PRR5: variants seen among roughly 807,000 people sequenced by gnomAD.
The protein encoded by PRR5 is proline rich 5.
In PRR5, 25 loss-of-function variants were observed where a neutral mutation model predicts 30.6. The observed-to-expected ratio is 0.82, with a 90% CI of 0.60 to 1.14. The LOEUF is 1.14. Ranked by LOEUF, PRR5 falls within the 50% of genes most tolerant of loss-of-function variation. The pLI, the probability that PRR5 is intolerant of heterozygous loss-of-function variation, is 0.00. For missense variants in PRR5, 600 were observed against 547.1 expected, an observed-to-expected ratio of 1.10 and a Z score of -0.96; for synonymous variants, 286 against 247.1, an observed-to-expected ratio of 1.16 and a Z score of -1.48.
upstream of PRR5, among the ~76,000 whole-genome samples, chr22:44,700,853 G>C (rs1926203047): frequency 6.6e-6 from 1 of 152,094 alleles, no homozygotes; most frequent in African/African-American, 2.4e-5. Flanking sequence ...CTCTTCATGA[G>C]GCTCTCTTAC....
In PRR5 at chr22:44,731,837, C is replaced by A; in HGVS notation, c.414+16C>A. ...CCCGGTGCAGGTGGGCAGCCCAGCC[C>A]TGGGGAGGGAAGCCCAGTGCCCCTG... On this transcript the variant is annotated intron_variant, in intron 5 of 7. Transcript: ENST00000336985. 1 of 1,610,106 alleles carries A rather than the reference C, an allele frequency of 6.2e-7. No individual in the cohort carries two copies. The highest frequency in any genetic ancestry group is 8.5e-7 in the Non-Finnish European group (1 of 1,179,068).
At chr22:44,733,501 C>T (rs1025572178) in intron 6 of PRR5, among the ~76,000 whole-genome samples, 4 of 152,154 alleles carry the variant, frequency 2.6e-5, no homozygotes, top group African/African-American at 9.7e-5. Flanking sequence ...AAGGAAGGGG[C>T]GGCCAGTGTG....
Position 44,731,737 on chromosome 22 carries a change from G to A in PRR5, c.330G>A (p.Lys110=). The change falls in exon 5 of 8, where the codon AAG becomes AAA. Residue 110 remains lysine (K), a synonymous_variant. Transcript: ENST00000336985. ...TGGCCCCCATGCCCACAGGACAGAAGCTGCTGGACTCACTGGCAGAGACCT... is the reference window on the plus strand; with the variant it reads ...TGGCCCCCATGCCCACAGGACAGAAACTGCTGGACTCACTGGCAGAGACCT... ...RDKIRFYEGQ[K]LLDSLAETWD... The A allele has an allele frequency of 1.9e-6, 3 of 1,613,788 alleles. No individual in the cohort carries two copies. Among genetic ancestry groups the A allele is most frequent in the Non-Finnish European group, 2.5e-6 (3 of 1,180,002 alleles).
chr22:44,688,038 G>A (rs1297071516), intron 1 of PRR5, among the ~76,000 whole-genome samples: 3 of 151,394 alleles, frequency 2.0e-5, no homozygotes, highest in Admixed American at 1.3e-4. Context: ...GCCTCCCAAA[G>A]TGCTGGGATT....
chr22:44,708,747 A>G (rs1464832174), intron 1 of PRR5, among the ~76,000 whole-genome samples: 1 of 152,094 alleles, frequency 6.6e-6, no homozygotes, highest in African/African-American at 2.4e-5. Flanking sequence ...CAGGTGGATC[A>G]TCTGAGGTCA....
upstream of PRR5, among the ~76,000 whole-genome samples, chr22:44,698,284 TC>T (rs1925944792): frequency 6.6e-6 from 1 of 150,854 alleles, no homozygotes; most frequent in African/African-American, 2.5e-5. Flanking sequence ...CAGGGGCCAC[TC>T]TGGTGGCTTT....
At chr22:44,728,051 T>G (rs1233153807) in intron 4 of PRR5, among the ~76,000 whole-genome samples, 1 of 152,178 alleles carries the variant, frequency 6.6e-6, no homozygotes, top group African/African-American at 2.4e-5. Flanking sequence ...GAGCCGGGGC[T>G]CTCGGAGAAG....
upstream of PRR5, among the ~76,000 whole-genome samples, chr22:44,674,248 A>T (rs1923584152): frequency 6.6e-6 from 1 of 151,548 alleles, no homozygotes; most frequent in African/African-American, 2.4e-5. Context: ...CTGGGACCAC[A>T]GGCACGCACC....
At chr22:44,693,126 G>T (rs188606561) in intron 1 of PRR5, among the ~76,000 whole-genome samples, 159 of 152,212 alleles carry the variant, frequency 1.0e-3, no homozygotes, top group African/African-American at 3.7e-3. Context: ...TGTGTCCTGG[G>T]CCTGCCATAA....
At chr22:44,669,599 A>G (rs1339166590) in intron 1 of PRR5, among the ~76,000 whole-genome samples, 1 of 152,254 alleles carries the variant, frequency 6.6e-6, no homozygotes, top group Non-Finnish European at 1.5e-5. Context: ...TCCCATAAGC[A>G]GAGCCTGACG....
At chr22:44,675,385 G>A (rs975571383), upstream of PRR5, among the ~76,000 whole-genome samples, 7 of 152,184 alleles carry the variant, frequency 4.6e-5, no homozygotes, top group African/African-American at 1.2e-4. Flanking sequence ...GAGCCACCAC[G>A]TCTGGCCTGT....
At chr22:44,674,031 C>G (rs1049502522), upstream of PRR5, among the ~76,000 whole-genome samples, 4 of 152,334 alleles carry the variant, frequency 2.6e-5, no homozygotes, top group African/African-American at 4.8e-5. Flanking sequence ...CTGCCTGCAG[C>G]CTTTCTCCCT....
At chr22:44,684,566 G>C (rs1924578763) in intron 1 of PRR5, among the ~76,000 whole-genome samples, 1 of 152,182 alleles carries the variant, frequency 6.6e-6, no homozygotes, top group Non-Finnish European at 1.5e-5. Context: ...GGGGATGATG[G>C]GGAAGGGGCA....
At chr22:44,732,458 A>G (rs1922202502) in intron 6 of PRR5, 67 bp downstream of exon 6, 1 of 1,556,176 alleles carries the variant, frequency 6.4e-7, no homozygotes, top group Non-Finnish European at 8.7e-7. Flanking sequence ...AGGTCCCCAC[A>G]GGCAGAGCAT....
intron 1 of PRR5, among the ~76,000 whole-genome samples, chr22:44,711,354 C>T (rs375073867): frequency 2.5e-4 from 38 of 152,178 alleles, no homozygotes; most frequent in African/African-American, 7.7e-4. Context: ...ATGGAGGCCC[C>T]GGGGCAGAAA....
At chr22:44,687,843 C>T (rs956189504) in intron 1 of PRR5, among the ~76,000 whole-genome samples, 9 of 152,208 alleles carry the variant, frequency 5.9e-5, no homozygotes, top group Admixed American at 1.3e-4. Flanking sequence ...GGCGCGATCT[C>T]GGCTCACTGC....
chr22:44,675,793 TTATTAC>T (rs1160603876), upstream of PRR5, among the ~76,000 whole-genome samples: 1,339 of 147,214 alleles, frequency 9.1e-3, 23 homozygotes, highest in African/African-American at 0.031. Context: ...ATTATTATTA[TTATTAC>T]TTAGGTCACA....
chr22:44,709,003 A>G (rs959555139), intron 1 of PRR5, among the ~76,000 whole-genome samples: 2 of 150,208 alleles, frequency 1.3e-5, no homozygotes, highest in East Asian at 3.9e-4. Flanking sequence ...AGAAGGTACA[A>G]GGACTGCCCA....
chr22:44,685,895 C>T (rs1255579521), intron 1 of PRR5, among the ~76,000 whole-genome samples: 1 of 152,246 alleles, frequency 6.6e-6, no homozygotes, highest in African/African-American at 2.4e-5. Context: ...GTGCCCAGGG[C>T]CCTGGCTTCC....
Sources: allele counts gnomAD v4.1 joint callset (sites outside exome capture counted in the v4.1 genomes callset), GRCh38; gene constraint gnomAD v4.1.1; transcripts MANE v1.5; gene names NCBI Gene and HGNC (gene_info 2026-07-23, HGNC 2026-07-21).